The following PDS5B variants were observed in gnomAD, a reference collection of about 807,000 sequenced individuals.
PDS5B encodes the protein sister chromatid cohesion protein PDS5 homolog B.
In PDS5B, 51 loss-of-function variants were observed where a neutral mutation model predicts 184.1. That is an observed-to-expected ratio of 0.28 (90% CI 0.22 to 0.35). The LOEUF is 0.35. PDS5B is among the 10% of genes least tolerant of loss of function. The pLI, the probability that PDS5B is intolerant of heterozygous loss-of-function variation, is 1.00. For synonymous variants in PDS5B, 566 were observed against 569.2 expected, an observed-to-expected ratio of 0.99 and a Z score of 0.08; for missense variants, 1,180 against 1,723.3, an observed-to-expected ratio of 0.68 and a Z score of 5.58.
chr13:32,612,415 C>T (rs997335060), intron 1 of PDS5B, among the ~76,000 whole-genome samples: 1 of 152,038 alleles, frequency 6.6e-6, no homozygotes, highest in African/African-American at 2.4e-5. Flanking sequence ...ATTTACATAT[C>T]GTATAGTTAA....
chr13:32,667,407 A>G (rs1950829266), intron 6 of PDS5B, among the ~76,000 whole-genome samples: 1 of 152,038 alleles, frequency 6.6e-6, no homozygotes, highest in South Asian at 2.1e-4. Context: ...CTCTTAGGAT[A>G]TTTTGTGTTT....
chr13:32,603,724 A>G (rs1359263904), intron 1 of PDS5B, among the ~76,000 whole-genome samples: 1 of 152,144 alleles, frequency 6.6e-6, no homozygotes, highest in Non-Finnish European at 1.5e-5. Flanking sequence ...CTTTCTATCC[A>G]TGAGCATGGA....
chr13:32,608,709 G>A (rs141328277), intron 1 of PDS5B, among the ~76,000 whole-genome samples: 3 of 152,186 alleles, frequency 2.0e-5, no homozygotes, highest in Non-Finnish European at 2.9e-5. Flanking sequence ...TGATGATGTG[G>A]GCAGTAGATA....
chr13:32,673,501 G>A (rs998417712), intron 8 of PDS5B, 145 bp downstream of exon 8: 5 of 681,008 alleles, frequency 7.3e-6, no homozygotes, highest in Non-Finnish European at 1.2e-5. Context: ...TATTTGTGCC[G>A]TGTCTGTTTG....
At chr13:32,626,269 G>A (rs921589513) in intron 1 of PDS5B, among the ~76,000 whole-genome samples, 4 of 152,162 alleles carry the variant, frequency 2.6e-5, no homozygotes, top group Admixed American at 1.3e-4. Flanking sequence ...TTACAGGTAT[G>A]GAGGGAGATA....
At chr13:32,682,612 T>C (rs543890916) in intron 10 of PDS5B, among the ~76,000 whole-genome samples, 1 of 152,320 alleles carries the variant, frequency 6.6e-6, no homozygotes, top group Admixed American at 6.5e-5. Flanking sequence ...TTCTGTGGGC[T>C]TATGTTCTTA....
chr13:32,659,022 A>G (rs573022), intron 5 of PDS5B, 132 bp from the exon 6 acceptor site: 107,937 of 468,650 alleles, frequency 0.23, 13,402 homozygotes, highest in South Asian at 0.4. Context: ...GAAGCTTTAA[A>G]TGAATATACA....
At chr13:32,765,959 T>C (rs1954573117) in intron 31 of PDS5B, among the ~76,000 whole-genome samples, 1 of 152,260 alleles carries the variant, frequency 6.6e-6, no homozygotes, top group Non-Finnish European at 1.5e-5. Flanking sequence ...TAAGTTACGA[T>C]GTTTATTGGC....
intron 1 of PDS5B, among the ~76,000 whole-genome samples, chr13:32,590,126 T>C (rs2057751983): frequency 6.6e-6 from 1 of 152,152 alleles, no homozygotes. Flanking sequence ...AATTAGACAT[T>C]AATAATAAGT....
chr13:32,594,671 A>G (rs946995273), intron 1 of PDS5B, among the ~76,000 whole-genome samples: 1 of 152,166 alleles, frequency 6.6e-6, no homozygotes. Context: ...AAAGAATGCA[A>G]TGCTTTTTGA....
At chr13:32,680,402 ACTTCCT>A (rs1259592755) in intron 10 of PDS5B, among the ~76,000 whole-genome samples, 1 of 152,144 alleles carries the variant, frequency 6.6e-6, no homozygotes, top group African/African-American at 2.4e-5. Context: ...TAGTTTAGAT[ACTTCCT>A]CTTCATCCTG....
intron 1 of PDS5B, among the ~76,000 whole-genome samples, chr13:32,621,020 A>G (rs926280248): frequency 1.3e-5 from 2 of 152,240 alleles, no homozygotes; most frequent in Non-Finnish European, 2.9e-5. Context: ...TAATGGAAAA[A>G]CAGAAATTAC....
chr13:32,766,707 C>T (rs1190101440), intron 31 of PDS5B, among the ~76,000 whole-genome samples: 1 of 152,120 alleles, frequency 6.6e-6, no homozygotes, highest in African/African-American at 2.4e-5. Context: ...ATTTTCCTGT[C>T]TTTTGCTTCT....
chr13:32,735,871 A>G (rs919056973), intron 21 of PDS5B, among the ~76,000 whole-genome samples: 1 of 152,160 alleles, frequency 6.6e-6, no homozygotes, highest in Admixed American at 6.5e-5. Context: ...TAAACATAAT[A>G]TAAGTAGTGA....
chr13:32,689,619 G>A (rs1353334533), intron 13 of PDS5B: 1 of 152,160 alleles, frequency 6.6e-6, no homozygotes, highest in African/African-American at 2.4e-5. Flanking sequence ...TCACACAAAT[G>A]TTAAGTTCCA....
intron 1 of PDS5B, among the ~76,000 whole-genome samples, chr13:32,605,659 G>A (rs944555085): frequency 6.6e-6 from 1 of 152,102 alleles, no homozygotes; most frequent in Non-Finnish European, 1.5e-5. Flanking sequence ...GTCTAATATC[G>A]ATAGTGGGGT....
chr13:32,712,233 A>G (rs1952232078), intron 19 of PDS5B, among the ~76,000 whole-genome samples: 1 of 152,244 alleles, frequency 6.6e-6, no homozygotes. Context: ...TTTAAAATGT[A>G]CATGGAGCAT....
At chr13:32,605,967 G>A (rs536697363) in intron 1 of PDS5B, among the ~76,000 whole-genome samples, 38 of 151,370 alleles carry the variant, frequency 2.5e-4, no homozygotes, top group Middle Eastern at 3.4e-3. Context: ...GTGTCTCTGC[G>A]TGTGAGATGG....
chr13:32,688,816 A>G (rs1047309307), intron 13 of PDS5B: 6 of 427,674 alleles, frequency 1.4e-5, no homozygotes, highest in Admixed American at 1.2e-4. Flanking sequence ...TGAGTTTTCT[A>G]TTCATATTGT....
Sources: allele counts gnomAD v4.1 joint callset (sites outside exome capture counted in the v4.1 genomes callset), GRCh38; gene constraint gnomAD v4.1.1; transcripts MANE v1.5; gene names NCBI Gene and HGNC (gene_info 2026-07-23, HGNC 2026-07-21).